DISC1: variants seen among roughly 807,000 people sequenced by gnomAD.
DISC1 encodes disrupted in schizophrenia 1 protein.
In DISC1, 57 loss-of-function variants were observed where a neutral mutation model predicts 84.5. The observed-to-expected ratio is 0.67, with a 90% CI of 0.55 to 0.84. DISC1 has a LOEUF of 0.84. DISC1 is among the 40% of genes least tolerant of loss of function. The pLI is 0.00. For synonymous variants in DISC1, 411 were observed against 415.2 expected (o/e 0.99, Z 0.12); for missense variants, 1,000 against 1,057.8 (o/e 0.95, Z 0.76).
At chr1:231,913,267 G>A (rs2089389991) in intron 9 of DISC1, among the ~76,000 whole-genome samples, 1 of 152,144 alleles carries the variant, frequency 6.6e-6, no homozygotes, top group Non-Finnish European at 1.5e-5. Context: ...CCAGTGGCTG[G>A]TGGGGCACAA....
At chr1:232,008,538 A>G (rs901594881) in intron 10 of DISC1, among the ~76,000 whole-genome samples, 3 of 152,208 alleles carry the variant, frequency 2.0e-5, no homozygotes, top group African/African-American at 2.4e-5. Flanking sequence ...GTCTGGAAAA[A>G]TACATAGGAT....
At chr1:231,756,081 C>T (rs957211844) in intron 4 of DISC1, among the ~76,000 whole-genome samples, 3 of 152,238 alleles carry the variant, frequency 2.0e-5, no homozygotes, top group African/African-American at 7.2e-5. Context: ...TTTAACTAGA[C>T]ATTACCAGCA....
chr1:231,694,838 T>C (rs982040226), intron 2 of DISC1, 33 bp downstream of exon 2: 1 of 1,608,374 alleles, frequency 6.2e-7, no homozygotes, highest in Non-Finnish European at 8.5e-7. Context: ...TGGCCCGAGA[T>C]TGTCGTGAGC....
At chr1:231,629,280 A>G (rs1235131421) in intron 1 of DISC1, 1 of 152,654 alleles carries the variant, frequency 6.6e-6, no homozygotes, top group Non-Finnish European at 1.5e-5. Flanking sequence ...TTCAACACTC[A>G]TTTGCCAGAA....
intron 1 of DISC1, among the ~76,000 whole-genome samples, chr1:231,693,500 A>T (rs2065286778): frequency 1.3e-5 from 2 of 152,170 alleles, no homozygotes; most frequent in African/African-American, 4.8e-5. Flanking sequence ...GCCATAAAAG[A>T]CCAACAGGCA....
At chr1:231,768,657 C>T (rs1463906327) in intron 5 of DISC1, among the ~76,000 whole-genome samples, 3 of 152,148 alleles carry the variant, frequency 2.0e-5, no homozygotes, top group Non-Finnish European at 4.4e-5. Flanking sequence ...ATTAAGGGTT[C>T]ACTAAGTGCC....
At chr1:231,702,667 TA>T in intron 3 of DISC1, 1 of 939,222 alleles carries the variant, frequency 1.1e-6, no homozygotes, top group Non-Finnish European at 1.3e-6. Context: ...AAAAACCAAT[TA>T]AAATGAGGCA....
chr1:231,668,276 A>G (rs1056996864), intron 1 of DISC1, among the ~76,000 whole-genome samples: 6 of 152,154 alleles, frequency 3.9e-5, no homozygotes, highest in Non-Finnish European at 7.4e-5. Context: ...TAAGTATACA[A>G]TGCAGTGTTT....
Position 231,630,484 on chromosome 1 carries a change from G to A in DISC1, c.67+3550G>A, listed in dbSNP as rs1026907300. 6.6e-6 allele frequency among the ~76,000 whole-genome samples: 1 copy of A among 151,920 alleles called. No individual in the cohort carries two copies. Among genetic ancestry groups the A allele is most frequent in the African/African-American group, 2.4e-5 (1 of 41,330 alleles). On this transcript the variant is annotated intron_variant, in intron 1 of 12. Coordinates refer to ENST00000439617, the MANE Select transcript of DISC1 (RefSeq NM_018662.3). The surrounding 1 kb of genome is among the most constrained non-coding windows in gnomAD (Gnocchi z 4.4). ...GAATCATTCTTTTGATAATAATGATGGTAATTGAGTTTATATGCTGTGTTC... is the reference window on the plus strand; with the variant it reads ...GAATCATTCTTTTGATAATAATGATAGTAATTGAGTTTATATGCTGTGTTC...
intron 10 of DISC1, among the ~76,000 whole-genome samples, chr1:231,969,186 G>T (rs897866202): frequency 1.1e-5 from 1 of 91,654 alleles, no homozygotes; most frequent in Non-Finnish European, 2.1e-5. Flanking sequence ...ACACTCAGCG[G>T]TTTTTTTTTT....
At chr1:231,944,257 T>A (rs868273432) in intron 9 of DISC1, among the ~76,000 whole-genome samples, 2 of 151,978 alleles carry the variant, frequency 1.3e-5, no homozygotes, top group African/African-American at 4.8e-5. Context: ...TGCTCTGTGG[T>A]GGGGGCTTGG....
chr1:231,722,708 A>T, intron 3 of DISC1: 1 of 1,571,792 alleles, frequency 6.4e-7, no homozygotes, highest in East Asian at 2.4e-5. Flanking sequence ...ACGTGGAAGA[A>T]TACGCTCATT....
intron 12 of DISC1, among the ~76,000 whole-genome samples, chr1:232,035,788 G>A (rs563933115): frequency 1.3e-5 from 2 of 152,272 alleles, no homozygotes; most frequent in South Asian, 4.1e-4. Flanking sequence ...CAAGTAAAAA[G>A]GGAAAGGATG....
intron 9 of DISC1, among the ~76,000 whole-genome samples, chr1:231,921,912 T>A (rs2090037991): frequency 6.6e-6 from 1 of 151,348 alleles, no homozygotes; most frequent in Non-Finnish European, 1.5e-5. Context: ...GTCACCATGC[T>A]CTGCAATAGA....
At position 231,821,991 on chromosome 1, in the gene DISC1, G is replaced by A. The variant is rs1271240182; in HGVS notation, c.1981+3474G>A. Among the ~76,000 whole-genome samples the A allele has an allele frequency of 2.6e-5, 4 of 152,080 alleles. No homozygotes were observed. In the East Asian group the frequency reaches 5.8e-4, roughly 22 times the overall value. ...GCTGGAATTACAAGCGTGAGCCACCGCGCCCGGCCTACAACTGCTTTTCAA... is the reference window on the plus strand; with the variant it reads ...GCTGGAATTACAAGCGTGAGCCACCACGCCCGGCCTACAACTGCTTTTCAA... On this transcript the variant is annotated intron_variant, in intron 9 of 12. Coordinates refer to ENST00000439617, the MANE Select transcript of DISC1 (RefSeq NM_018662.3).
intron 9 of DISC1, chr1:231,945,034 C>T (rs1274593864): frequency 5.3e-5 from 8 of 152,216 alleles, no homozygotes; most frequent in Admixed American, 1.3e-4. Context: ...GAAAGATCAA[C>T]GAGACAGAAA....
In DISC1 at chr1:231,666,677, C is replaced by T. The variant is rs552712123; in HGVS notation, c.68-27149C>T. On this transcript the variant is annotated intron_variant, in intron 1 of 12. Coordinates refer to ENST00000439617, the MANE Select transcript of DISC1 (RefSeq NM_018662.3). ...ACATACACTTCAGGTGGCATGGGCT[C>T]TCCCAGCCATTTCGATACATGACAC... 6.6e-5 allele frequency among the ~76,000 whole-genome samples: 10 copies of T among 152,270 alleles called. 1 individual carries two copies. In the South Asian group the frequency reaches 1.9e-3, roughly 28 times the overall value.
intron 9 of DISC1, among the ~76,000 whole-genome samples, chr1:231,876,182 A>C (rs2125970467): frequency 6.6e-6 from 1 of 152,286 alleles, no homozygotes; most frequent in South Asian, 2.1e-4. Context: ...ATCCTTCATG[A>C]ATAGTTTAGC....
At chr1:231,798,297 T>A (rs1168004531) in intron 7 of DISC1, among the ~76,000 whole-genome samples, 1 of 152,162 alleles carries the variant, frequency 6.6e-6, no homozygotes, top group Non-Finnish European at 1.5e-5. Flanking sequence ...AAATGGGATA[T>A]CTGGAGATTG....
Sources: allele counts gnomAD v4.1 joint callset (sites outside exome capture counted in the v4.1 genomes callset), GRCh38; gene constraint gnomAD v4.1.1; non-coding constraint Gnocchi (gnomAD v3.1); transcripts MANE v1.5; gene names NCBI Gene and HGNC (gene_info 2026-07-23, HGNC 2026-07-21).